The following SLAMF9 variants were observed in gnomAD, a reference collection of about 807,000 sequenced individuals.
SLAMF9 encodes the protein CD2 family member 10.
SLAMF9 carries 25 observed loss-of-function variants against 30.4 expected under a neutral mutation model. The ratio of observed to expected loss-of-function variants is 0.82; its 90% CI spans 0.60 to 1.15. The LOEUF (loss-of-function observed/expected upper bound fraction) is 1.15, where lower values mean the gene tolerates loss of function less well. Among genes scored for constraint, SLAMF9 ranks in the 50% most tolerant of loss-of-function variants. The pLI, the probability that SLAMF9 is intolerant of heterozygous loss-of-function variation, is 0.00. For synonymous variants in SLAMF9, 129 were observed against 127.2 expected (o/e 1.01, Z -0.09); for missense variants, 344 against 346.1 (o/e 0.99, Z 0.05).
the SLAMF9 span, among the ~76,000 whole-genome samples, chr1:159,968,311 A>G: frequency 6.6e-6 from 1 of 152,128 alleles, no homozygotes; most frequent in African/African-American, 2.4e-5. Flanking sequence ...ACACCACCCC[A>G]TCTCATTTTT....
chr1:159,972,338 C>T, the SLAMF9 span, among the ~76,000 whole-genome samples: 1 of 152,224 alleles, frequency 6.6e-6, no homozygotes, highest in Non-Finnish European at 1.5e-5. Context: ...CTGGAAGGAT[C>T]CACAACTTCT....
chr1:159,962,418 G>A, the SLAMF9 span, among the ~76,000 whole-genome samples: 15 of 152,212 alleles, frequency 9.9e-5, no homozygotes, highest in African/African-American at 2.6e-4. Context: ...CGAGGTGGGC[G>A]GCGGAGATTT....
At chr1:159,963,815 C>A in the SLAMF9 span, among the ~76,000 whole-genome samples, 1 of 152,144 alleles carries the variant, frequency 6.6e-6, no homozygotes, top group African/African-American at 2.4e-5. Context: ...AATCCCAGCA[C>A]TTTGGGAGGC....
rs758853588 is a variant in SLAMF9 at position 159,951,676 on chromosome 1, GC to G, written c.854del (p.Gly285AlafsTer48). On this transcript the variant is annotated frameshift_variant, in exon 4 of 4. Coordinates refer to ENST00000368093, the MANE Select transcript of SLAMF9 (RefSeq NM_033438.4). LOFTEE classifies it high-confidence loss of function. ...CAAGGAGCAGTCAGGCAGGGCTGGA[GC>G]CAGGCTTTGCCTCCTTCCTCAATTT... is the stretch of plus-strand genomic sequence containing the variant. ...RMKLRKEAKP[G>X]SSPA is the part of the protein sequence containing the mutation. The G allele has an allele frequency of 7.4e-6, 12 of 1,614,092 alleles. No individual in the cohort carries two copies. The South Asian group carries it at 1.3e-4, about 18-fold the overall frequency.
At chr1:159,955,598 G>A (rs1397489603), upstream of SLAMF9, among the ~76,000 whole-genome samples, 1 of 152,194 alleles carries the variant, frequency 6.6e-6, no homozygotes, top group Non-Finnish European at 1.5e-5. Context: ...AAGTGCTGGG[G>A]AATTAACAGT....
chr1:159,981,052 T>C, the SLAMF9 span, among the ~76,000 whole-genome samples: 1 of 152,204 alleles, frequency 6.6e-6, no homozygotes, highest in African/African-American at 2.4e-5. Flanking sequence ...ATGGGCTGAA[T>C]TGTGGCCCCC....
the SLAMF9 span, among the ~76,000 whole-genome samples, chr1:159,960,992 C>A: frequency 1.3e-5 from 2 of 152,202 alleles, no homozygotes; most frequent in Non-Finnish European, 2.9e-5. Flanking sequence ...TTTTCTTTGG[C>A]TTTCCTCCCT....
chr1:159,957,205 G>A (rs1571231653), upstream of SLAMF9, among the ~76,000 whole-genome samples: 1 of 151,534 alleles, frequency 6.6e-6, no homozygotes, highest in African/African-American at 2.4e-5. Context: ...AGCTGTGGGA[G>A]GGGTGGGGAT....
the SLAMF9 span, chr1:159,973,428 C>G: frequency 2.0e-5 from 10 of 510,502 alleles, no homozygotes; most frequent in Non-Finnish European, 3.2e-5. Flanking sequence ...GTCCTCTTGT[C>G]CTCACCCACA....
chr1:159,968,577 G>A, the SLAMF9 span, among the ~76,000 whole-genome samples: 13 of 152,162 alleles, frequency 8.5e-5, no homozygotes, highest in Non-Finnish European at 1.8e-4. Flanking sequence ...TTCTTTGTAG[G>A]GGAGAGAGGG....
At chr1:159,960,965 C>T in the SLAMF9 span, among the ~76,000 whole-genome samples, 1 of 152,196 alleles carries the variant, frequency 6.6e-6, no homozygotes, top group East Asian at 1.9e-4. Context: ...CAACGGTAAT[C>T]AACTATTAAC....
the SLAMF9 span, among the ~76,000 whole-genome samples, chr1:159,967,075 GT>G: frequency 1.3e-5 from 2 of 152,054 alleles, no homozygotes; most frequent in African/African-American, 4.8e-5. Flanking sequence ...TGTAATGAGG[GT>G]TTCCCCTTAT....
In SLAMF9 at chr1:159,953,592, C is replaced by T; in HGVS notation, c.108G>A (p.Glu36=). Reference sequence around the variant, plus strand: ...GTATTTCCAGGGGGAGGCTGATGGACTCCTGAAGGACCGCAACCACTTCCT... The same window carrying T: ...GTATTTCCAGGGGGAGGCTGATGGATTCCTGAAGGACCGCAACCACTTCCT... ...GSEEVVAVLQ[E]SISLPLEIPP... Residue 36 remains glutamate, a synonymous_variant, in exon 2 of 4, where the codon GAG becomes GAA. Coordinates refer to ENST00000368093, the MANE Select transcript of SLAMF9 (RefSeq NM_033438.4). 6.2e-7 allele frequency: 1 copy of T among 1,613,966 alleles called. No homozygotes were observed.
the SLAMF9 span, among the ~76,000 whole-genome samples, chr1:159,982,578 T>C: frequency 2.2e-4 from 33 of 152,350 alleles, no homozygotes; most frequent in Non-Finnish European, 4.3e-4. Context: ...ATATCTCTTA[T>C]GACATTTATC....
At chr1:159,982,231 T>G in the SLAMF9 span, among the ~76,000 whole-genome samples, 4 of 152,210 alleles carry the variant, frequency 2.6e-5, no homozygotes, top group Non-Finnish European at 5.9e-5. Context: ...TTATGTCTCT[T>G]GAGACTCAGC....
chr1:159,956,110 T>C (rs1487048449), upstream of SLAMF9, among the ~76,000 whole-genome samples: 1 of 152,316 alleles, frequency 6.6e-6, no homozygotes, highest in Non-Finnish European at 1.5e-5. Context: ...TAAGTGTCTA[T>C]CAATGGATGA....
At chr1:159,963,917 G>A in the SLAMF9 span, among the ~76,000 whole-genome samples, 2 of 152,110 alleles carry the variant, frequency 1.3e-5, no homozygotes, top group African/African-American at 2.4e-5. Flanking sequence ...AAAATTAGCT[G>A]GGCAAGGTGG....
Position 159,953,610 on chromosome 1 carries a change from C to A in SLAMF9, c.90G>T (p.Val30=), listed in dbSNP as rs575847451. The A allele has an allele frequency of 7.4e-6, 12 of 1,612,842 alleles. No individual in the cohort carries two copies. The highest frequency in any genetic ancestry group is 3.3e-5 in the South Asian group (3 of 91,000). Reference sequence around the variant, plus strand: ...TGATGGACTCCTGAAGGACCGCAACCACTTCCTCGGATCCACACCATCTCC... The same window carrying A: ...TGATGGACTCCTGAAGGACCGCAACAACTTCCTCGGATCCACACCATCTCC... ...RLWRWCGSEE[V]VAVLQESISL... Residue 30 remains valine (V), a synonymous_variant, in exon 2 of 4, where the codon GTG becomes GTT. Coordinates refer to ENST00000368093, the MANE Select transcript of SLAMF9 (RefSeq NM_033438.4).
the SLAMF9 span, among the ~76,000 whole-genome samples, chr1:159,978,346 G>A: frequency 6.6e-6 from 1 of 152,132 alleles, no homozygotes; most frequent in Non-Finnish European, 1.5e-5. Context: ...GAAAAAGGTG[G>A]CTTTAGACAG....
Sources: allele counts gnomAD v4.1 joint callset (sites outside exome capture counted in the v4.1 genomes callset), GRCh38; gene constraint gnomAD v4.1.1; transcripts MANE v1.5; gene names NCBI Gene and HGNC (gene_info 2026-07-23, HGNC 2026-07-21).